The following HDAC9 variants were observed in gnomAD, a reference collection of about 807,000 sequenced individuals.
The protein encoded by HDAC9 is MEF-2 interacting transcription repressor (MITR) protein.
HDAC9 carries 41 observed loss-of-function variants against 139.4 expected under a neutral mutation model. The observed-to-expected ratio is 0.29, with a 90% CI of 0.23 to 0.38. The LOEUF (loss-of-function observed/expected upper bound fraction) is 0.38. Ranked by LOEUF, HDAC9 falls within the 10% of genes least tolerant of loss-of-function variation. HDAC9 has a pLI of 1.00. For missense variants in HDAC9, 1,147 were observed against 1,297.0 expected, an observed-to-expected ratio of 0.88 and a Z score of 1.78; for synonymous variants, 517 against 476.2, an observed-to-expected ratio of 1.09 and a Z score of -1.12.
chr7:18,137,764 C>T (rs2128107023), intron 1 of HDAC9, among the ~76,000 whole-genome samples: 1 of 152,194 alleles, frequency 6.6e-6, no homozygotes, highest in Admixed American at 6.5e-5. Context: ...GTCTAAAATT[C>T]TCTTTTTTGG....
intron 2 of HDAC9, among the ~76,000 whole-genome samples, chr7:18,278,156 G>A (rs1312243864): frequency 1.3e-5 from 2 of 152,182 alleles, no homozygotes; most frequent in African/African-American, 2.4e-5. Context: ...AATTTTCCGA[G>A]CATTTAGAAG....
intron 2 of HDAC9, among the ~76,000 whole-genome samples, chr7:18,225,861 C>T (rs982258275): frequency 6.6e-6 from 1 of 152,036 alleles, no homozygotes; most frequent in African/African-American, 2.4e-5. Flanking sequence ...CATATTTAAA[C>T]ATAAAATAGT....
At chr7:18,421,050 A>G (rs1427164297) in intron 1 of HDAC9, among the ~76,000 whole-genome samples, 2 of 152,168 alleles carry the variant, frequency 1.3e-5, no homozygotes, top group Non-Finnish European at 1.5e-5. Context: ...CATTTTTACC[A>G]TTTAAAATTC....
At chr7:18,443,818 A>G (rs1047250401) in intron 1 of HDAC9, among the ~76,000 whole-genome samples, 6 of 151,662 alleles carry the variant, frequency 4.0e-5, no homozygotes, top group African/African-American at 1.5e-4. Flanking sequence ...ATATATACAT[A>G]TATATATACA....
At chr7:18,124,088 G>A (rs1784515312) in intron 1 of HDAC9, among the ~76,000 whole-genome samples, 1 of 152,142 alleles carries the variant, frequency 6.6e-6, no homozygotes, top group Non-Finnish European at 1.5e-5. Flanking sequence ...CTAAACACTG[G>A]CCACCAAGAA....
intron 16 of HDAC9, among the ~76,000 whole-genome samples, chr7:18,785,390 C>G (rs1284248784): frequency 1.3e-5 from 2 of 151,822 alleles, no homozygotes; most frequent in Non-Finnish European, 2.9e-5. Context: ...GCACTAGAAG[C>G]CAGTAGCACA....
At chr7:18,176,197 T>C (rs761052371) in intron 2 of HDAC9, among the ~76,000 whole-genome samples, 1 of 152,234 alleles carries the variant, frequency 6.6e-6, no homozygotes, top group Non-Finnish European at 1.5e-5. Flanking sequence ...TAAAAGCTGG[T>C]GACAGTTTTT....
chr7:18,599,218 T>G (rs1368729445), intron 6 of HDAC9, among the ~76,000 whole-genome samples: 1 of 152,206 alleles, frequency 6.6e-6, no homozygotes, highest in Non-Finnish European at 1.5e-5. Context: ...TATTGTTGCC[T>G]CCTCCTAACC....
chr7:18,719,851 C>T (rs1397753879), intron 12 of HDAC9, among the ~76,000 whole-genome samples: 1 of 151,908 alleles, frequency 6.6e-6, no homozygotes, highest in African/African-American at 2.4e-5. Flanking sequence ...TGCAGTTGTC[C>T]CTGTTCTATT....
intron 1 of HDAC9, among the ~76,000 whole-genome samples, chr7:18,405,923 C>G (rs1787960700): frequency 6.6e-6 from 1 of 152,222 alleles, no homozygotes; most frequent in Non-Finnish European, 1.5e-5. Context: ...GGCAGTTCCT[C>G]TCTGTTCTGA....
chr7:18,506,408 A>G (rs970631037), intron 2 of HDAC9, among the ~76,000 whole-genome samples: 1 of 152,200 alleles, frequency 6.6e-6, no homozygotes, highest in Non-Finnish European at 1.5e-5. Context: ...AATATTGCTC[A>G]TAAACAGAGC....
intron 22 of HDAC9, among the ~76,000 whole-genome samples, chr7:18,927,181 A>G (rs1301859686): frequency 6.6e-6 from 1 of 152,212 alleles, no homozygotes; most frequent in Non-Finnish European, 1.5e-5. Context: ...TTTTGGCTAC[A>G]GATGAAAGGA....
At chr7:18,734,323 G>T (rs569175844) in intron 13 of HDAC9, among the ~76,000 whole-genome samples, 27 of 152,116 alleles carry the variant, frequency 1.8e-4, no homozygotes, top group Admixed American at 7.2e-4. Context: ...TTGGTTTGCC[G>T]TACCCATCAA....
rs374907646 is a variant in HDAC9, at chr7:18,650,013, G to T, written c.1467+1330G>T. On this transcript the variant is annotated intron_variant, in intron 11 of 25. Coordinates refer to ENST00000686413, the MANE Select transcript of HDAC9 (RefSeq NM_178425.4). ...CTTCTCTAAATTTAGCAAATATTTCGGTTTCATATCAAATTATTTTATATC... is the reference window on the plus strand; with the variant it reads ...CTTCTCTAAATTTAGCAAATATTTCTGTTTCATATCAAATTATTTTATATC... Among the ~76,000 whole-genome samples the T allele has an allele frequency of 2.0e-5, 3 of 152,122 alleles. No individual in the cohort carries two copies. The East Asian group carries it at 5.8e-4, about 29-fold the overall frequency.
Position 18,243,971 on chromosome 7 carries a change from A to G in HDAC9, c.25+81622A>G, listed in dbSNP as rs144709091. ...TGTTGTGCTGTTTTGTGAGGCAGTA[A>G]TCCAGCTCCCAAAGCAGATAAACTA... On this transcript the variant is annotated intron_variant, in intron 2 of 12. Coordinates refer to the HDAC9 transcript ENST00000417496. Among the ~76,000 whole-genome samples, 436 of 152,284 alleles carry G rather than the reference A, an allele frequency of 2.9e-3. 2 individuals are homozygous for G. Among genetic ancestry groups the G allele is most frequent in the African/African-American group, 9.7e-3 (402 of 41,546 alleles).
At chr7:18,246,692 C>A (rs1224940203) in intron 2 of HDAC9, among the ~76,000 whole-genome samples, 1 of 152,018 alleles carries the variant, frequency 6.6e-6, no homozygotes, top group Non-Finnish European at 1.5e-5. Context: ...CCTGGTAAGC[C>A]ACTGTAAGAA....
At chr7:18,798,029 G>T (rs967423389) in intron 17 of HDAC9, among the ~76,000 whole-genome samples, 1 of 151,422 alleles carries the variant, frequency 6.6e-6, no homozygotes, top group African/African-American at 2.4e-5. Context: ...TATTCCCTTT[G>T]CACCATAATT....
intron 7 of HDAC9, among the ~76,000 whole-genome samples, chr7:18,632,959 A>G (rs182857728): frequency 6.6e-6 from 1 of 152,172 alleles, no homozygotes; most frequent in East Asian, 1.9e-4. Context: ...TTAATATTAA[A>G]ATACATACAT....
At chr7:18,512,323 A>G (rs1462743900) in intron 2 of HDAC9, among the ~76,000 whole-genome samples, 2 of 152,194 alleles carry the variant, frequency 1.3e-5, no homozygotes, top group Non-Finnish European at 2.9e-5. Flanking sequence ...GTTCACTTAT[A>G]TTGCTCAGTA....
Sources: allele counts gnomAD v4.1 joint callset (sites outside exome capture counted in the v4.1 genomes callset), GRCh38; gene constraint gnomAD v4.1.1; transcripts MANE v1.5; gene names NCBI Gene and HGNC (gene_info 2026-07-23, HGNC 2026-07-21).